The following MEIKIN variants were observed in gnomAD, a reference collection of about 807,000 sequenced individuals.
The protein encoded by MEIKIN is meiosis-specific kinetochore protein.
intron 11 of MEIKIN, among the ~76,000 whole-genome samples, chr5:131,826,894 C>T (rs569158806): frequency 1.9e-4 from 29 of 152,210 alleles, no homozygotes; most frequent in African/African-American, 7.0e-4. Flanking sequence ...AGGTAGTATC[C>T]TTATAGCAGT....
chr5:131,885,367 G>A (rs866629630), intron 8 of MEIKIN, among the ~76,000 whole-genome samples: 471 of 33,872 alleles, frequency 0.014, 3 homozygotes, highest in African/African-American at 0.031. Context: ...GAGAGAGAGA[G>A]AGAGAGAGAG....
intron 9 of MEIKIN, among the ~76,000 whole-genome samples, chr5:131,873,600 A>G (rs189165613): frequency 9.2e-5 from 14 of 152,324 alleles, no homozygotes; most frequent in African/African-American, 3.1e-4. Flanking sequence ...TGAGACAGAA[A>G]GTTAACAAGG....
At chr5:131,823,444 T>C (rs890538895) in intron 11 of MEIKIN, among the ~76,000 whole-genome samples, 5 of 152,110 alleles carry the variant, frequency 3.3e-5, no homozygotes, top group South Asian at 4.2e-4. Flanking sequence ...AATTCTTTCT[T>C]CTGCTTGATC....
At chr5:131,840,870 T>C (rs1054035374) in intron 11 of MEIKIN, among the ~76,000 whole-genome samples, 5 of 152,242 alleles carry the variant, frequency 3.3e-5, no homozygotes, top group African/African-American at 1.2e-4. Context: ...CTCTGCCACA[T>C]TCAGAATGCT....
At chr5:131,826,133 C>G (rs1435627099) in intron 11 of MEIKIN, among the ~76,000 whole-genome samples, 1 of 132,462 alleles carries the variant, frequency 7.5e-6, no homozygotes, top group African/African-American at 2.9e-5. Context: ...CGCTATATTG[C>G]TCAGGCTGGT....
Position 131,835,687 on chromosome 5 carries a change from G to A in MEIKIN, c.975+15577C>T, listed in dbSNP as rs147304244. The stretch of plus-strand genomic sequence containing the variant: ...TGGCTCACTGCAAGTTCCATCTCCC[G>A]AGTTCACGCCATTCTCCTGCCTCAG... On this transcript the variant is annotated intron_variant, in intron 11 of 12. Transcript: ENST00000442687. Among the ~76,000 whole-genome samples the A allele has an allele frequency of 5.5e-3, 832 of 152,154 alleles. 11 individuals carry two copies. The highest frequency in any genetic ancestry group is 0.019 in the African/African-American group (800 of 41,524).
intron 9 of MEIKIN, among the ~76,000 whole-genome samples, chr5:131,870,869 A>G (rs1750477780): frequency 6.6e-6 from 1 of 152,006 alleles, no homozygotes; most frequent in Admixed American, 6.6e-5. Context: ...CCCCTTTTCT[A>G]TTTGCTCTCT....
At chr5:131,849,671 T>C (rs921901196) in intron 11 of MEIKIN, among the ~76,000 whole-genome samples, 1 of 151,248 alleles carries the variant, frequency 6.6e-6, no homozygotes, top group Admixed American at 6.6e-5. Flanking sequence ...TATTTCTTTA[T>C]AGCAATGTGA....
chr5:131,849,876 A>T (rs1750081826), intron 11 of MEIKIN, among the ~76,000 whole-genome samples: 1 of 152,048 alleles, frequency 6.6e-6, no homozygotes, highest in Non-Finnish European at 1.5e-5. Flanking sequence ...TAAAGCAAGA[A>T]GTAAAATTAT....
Position 131,942,627 on chromosome 5 carries a change from A to G in MEIKIN, c.349+8T>C, listed in dbSNP as rs1751892173. 2.5e-6 allele frequency: 1 copy of G among 398,478 alleles called. No homozygotes were observed. Among genetic ancestry groups the G allele is most frequent in the Middle Eastern group, 6.3e-4 (1 of 1,580 alleles). The allele number at this position is 398,478 out of a possible 1,614,324, so 24.7% of individuals were successfully genotyped here. ...AAAGCTGAGGGAGTTCACATTTGAC[A>G]GTCTTACCTGATACTAGTTCACTAT... On this transcript the variant is annotated splice_region_variant and intron_variant, in intron 4 of 12. Transcript: ENST00000442687.
chr5:131,847,175 T>C (rs982378944), intron 11 of MEIKIN, among the ~76,000 whole-genome samples: 1 of 151,924 alleles, frequency 6.6e-6, no homozygotes, highest in Non-Finnish European at 1.5e-5. Flanking sequence ...TAGAGAACAA[T>C]GAGCAAAATG....
At chr5:131,938,969 C>T (rs1561760728) in intron 4 of MEIKIN, among the ~76,000 whole-genome samples, 1 of 152,358 alleles carries the variant, frequency 6.6e-6, no homozygotes, top group East Asian at 1.9e-4. Flanking sequence ...AAATTCCAGT[C>T]TTCTCCTGGG....
Position 131,858,204 on chromosome 5 carries a change from C to T in MEIKIN, c.775-3370G>A, listed in dbSNP as rs1208841582. Reference sequence around the variant, plus strand: ...CTAGGAATGCTGAGCTGAGCTCTGGCCCTCTAAAATCTTCCTCAAACAAAC... The same window carrying T: ...CTAGGAATGCTGAGCTGAGCTCTGGTCCTCTAAAATCTTCCTCAAACAAAC... On this transcript the variant is annotated intron_variant, in intron 9 of 12. Coordinates refer to ENST00000442687, the MANE Select transcript of MEIKIN (RefSeq NM_001303622.2). 2.6e-5 allele frequency among the ~76,000 whole-genome samples: 4 copies of T among 152,168 alleles called. No individual in the cohort carries two copies. The East Asian group carries it at 5.8e-4, about 22-fold the overall frequency.
intron 4 of MEIKIN, among the ~76,000 whole-genome samples, chr5:131,938,540 T>C (rs1052074746): frequency 1.3e-5 from 2 of 152,240 alleles, no homozygotes; most frequent in Admixed American, 6.5e-5. Flanking sequence ...CCACTGATGC[T>C]ATTTCTATCC....
In MEIKIN at chr5:131,846,043, C is replaced by T. The variant is rs147230736; in HGVS notation, c.975+5221G>A. On this transcript the variant is annotated intron_variant, in intron 11 of 12. Coordinates refer to ENST00000442687, the MANE Select transcript of MEIKIN (RefSeq NM_001303622.2). ...AAGCAGCAAGAGAAGTGACTTGTTG[C>T]ACACAAGGGATCTTTATAAGATAAT... 3.6e-3 allele frequency among the ~76,000 whole-genome samples: 553 copies of T among 152,268 alleles called. 4 individuals are homozygous for T. The highest frequency in any genetic ancestry group is 0.013 in the African/African-American group (525 of 41,564).
intron 11 of MEIKIN, among the ~76,000 whole-genome samples, chr5:131,826,545 C>A (rs1276801263): frequency 6.6e-6 from 1 of 152,112 alleles, no homozygotes; most frequent in African/African-American, 2.4e-5. Flanking sequence ...TCAAGAGTAG[C>A]CATGATTGAT....
rs372395754 is a variant in MEIKIN, at chr5:131,886,084, T to C, written c.704-7036A>G. Among the ~76,000 whole-genome samples, 6 of 152,254 alleles carry C rather than the reference T, an allele frequency of 3.9e-5. No homozygotes were observed. The South Asian group carries it at 6.2e-4, about 16-fold the overall frequency. On this transcript the variant is annotated intron_variant, in intron 8 of 12. Transcript: ENST00000442687. Reference sequence around the variant, plus strand: ...CTAGCAGAAGAAAGCATTAGTGAGCTTGAAGACAGGTTATTTAAAAATACA... The same window carrying C: ...CTAGCAGAAGAAAGCATTAGTGAGCCTGAAGACAGGTTATTTAAAAATACA...
intron 5 of MEIKIN, among the ~76,000 whole-genome samples, chr5:131,926,968 T>C (rs999264079): frequency 1.3e-5 from 2 of 152,150 alleles, no homozygotes; most frequent in African/African-American, 4.8e-5. Flanking sequence ...TTTCACTGAT[T>C]TCTTTCTATT....
At chr5:131,914,945 G>A (rs193124523) in intron 7 of MEIKIN, among the ~76,000 whole-genome samples, 1 of 152,278 alleles carries the variant, frequency 6.6e-6, no homozygotes, top group East Asian at 1.9e-4. Flanking sequence ...TCCCTGTTTA[G>A]AACTCTAGGA....
Sources: allele counts gnomAD v4.1 joint callset (sites outside exome capture counted in the v4.1 genomes callset), GRCh38; gene constraint gnomAD v4.1.1; transcripts MANE v1.5; gene names NCBI Gene and HGNC (gene_info 2026-07-23, HGNC 2026-07-21).